FAM53B: variants seen among roughly 807,000 people sequenced by gnomAD.
FAM53B encodes the protein family with sequence similarity 53 member B.
Under a neutral mutation model 32.7 loss-of-function variants are expected in FAM53B, and 12 were observed. The ratio of observed to expected loss-of-function variants is 0.37; its 90% CI spans 0.24 to 0.59. The LOEUF (loss-of-function observed/expected upper bound fraction) is 0.59, where lower values mean the gene tolerates loss of function less well. FAM53B is among the 20% of genes least tolerant of loss of function. The probability of loss-of-function intolerance (pLI) is 0.72; values close to 1 mark genes in which losing one functional copy is unlikely to be tolerated. For missense variants in FAM53B, 477 were observed against 577.7 expected (o/e 0.83, Z 1.79); for synonymous variants, 234 against 228.7 (o/e 1.02, Z -0.21).
intron 1 of FAM53B, among the ~76,000 whole-genome samples, chr10:124,731,872 G>A (rs976980293): frequency 2.0e-5 from 3 of 152,152 alleles, no homozygotes; most frequent in South Asian, 2.1e-4. Context: ...AGAGGTGTGG[G>A]GGCCTTCACA....
intron 4 of FAM53B, among the ~76,000 whole-genome samples, chr10:124,669,854 TCACAGGGTGGGTGAGGAC>T (rs1949696479): frequency 6.7e-6 from 1 of 150,080 alleles, no homozygotes; most frequent in Admixed American, 6.6e-5. Context: ...GAGGAGCCCC[TCACAGGGTGGGTGAGGAC>T]CACAGGGTGG....
intron 1 of FAM53B, among the ~76,000 whole-genome samples, chr10:124,708,395 A>G (rs1307267012): frequency 2.0e-5 from 3 of 152,266 alleles, no homozygotes; most frequent in African/African-American, 7.2e-5. Flanking sequence ...GTGCAAAAGC[A>G]GGGAAGGGGA....
In FAM53B at chr10:124,622,106, G is replaced by C. The variant is rs1589727212; in HGVS notation, c.*1136C>G. The C allele has an allele frequency of 6.6e-6, 1 of 152,290 alleles. No individual in the cohort carries two copies. Among genetic ancestry groups the C allele is most frequent in the African/African-American group, 2.4e-5 (1 of 41,444 alleles). 9.4% of individuals were successfully genotyped at this position (152,290 alleles called of 1,614,324 possible). On this transcript the variant is annotated 3_prime_UTR_variant, in exon 5 of 5. Transcript: ENST00000337318. ...TGTGCCGGTGGCTGGGCCTACAACA[G>C]AGATGCAGCCCTCAGGACTGGGCTC...
At chr10:124,713,218 A>T (rs1245723746) in intron 1 of FAM53B, among the ~76,000 whole-genome samples, 1 of 152,238 alleles carries the variant, frequency 6.6e-6, no homozygotes, top group Admixed American at 6.5e-5. Context: ...TATGGTTGGT[A>T]GTATGCACAT....
intron 1 of FAM53B, among the ~76,000 whole-genome samples, chr10:124,711,087 G>A (rs1400033452): frequency 6.6e-6 from 1 of 152,086 alleles, no homozygotes; most frequent in East Asian, 1.9e-4. Context: ...TGAACAATTA[G>A]ACAAAATGTG....
At chr10:124,666,296 G>A (rs1386044635) in intron 4 of FAM53B, among the ~76,000 whole-genome samples, 2 of 152,220 alleles carry the variant, frequency 1.3e-5, no homozygotes, top group Non-Finnish European at 2.9e-5. Flanking sequence ...TGGAACCTTC[G>A]GCTTGGTCCA....
At chr10:124,671,006 G>A (rs4962681) in intron 4 of FAM53B, among the ~76,000 whole-genome samples, 20,487 of 152,210 alleles carry the variant, frequency 0.13, 1,586 homozygotes, top group African/African-American at 0.19. Flanking sequence ...GCTGCGATGC[G>A]CGCTAGAAGA....
intron 2 of FAM53B, among the ~76,000 whole-genome samples, chr10:124,698,480 C>T (rs948593805): frequency 7.2e-5 from 11 of 152,128 alleles, no homozygotes; most frequent in East Asian, 5.8e-4. Flanking sequence ...CCCAGGCCTT[C>T]GCAAGGAACA....
intron 4 of FAM53B, among the ~76,000 whole-genome samples, chr10:124,648,408 C>T (rs895787121): frequency 8.5e-5 from 13 of 152,364 alleles, no homozygotes; most frequent in Middle Eastern, 6.8e-3. Context: ...GGATGGGCTG[C>T]GGCCTGCTGT....
chr10:124,626,112 G>C (rs1257883064), intron 4 of FAM53B, among the ~76,000 whole-genome samples: 1 of 152,268 alleles, frequency 6.6e-6, no homozygotes, highest in Non-Finnish European at 1.5e-5. Flanking sequence ...GCCCGAACGC[G>C]TGCCAGCGTT....
chr10:124,703,468 G>C (rs1949929409), intron 2 of FAM53B, among the ~76,000 whole-genome samples: 1 of 152,298 alleles, frequency 6.6e-6, no homozygotes, highest in African/African-American at 2.4e-5. Flanking sequence ...CACTTCCCAA[G>C]ACCCTCAGTG....
chr10:124,623,539 G>C lies in FAM53B; in HGVS notation c.972C>G (p.Ser324Arg), dbSNP rs1389937783. Residue 324 changes from serine to arginine, a missense_variant, in exon 5 of 5, where the codon AGC (serine) becomes AGG (arginine). Around this residue, in one of 2 missense-constraint regions of FAM53B, gnomAD observed 165 missense variants for 157.5 expected, o/e 1.05. Transcript: ENST00000337318. ...TGTTGCTGACGTGGCGGGCGAAGGG[G>C]CTCTGGGGACCGCAGTCCTCTGTCC... The part of the protein sequence containing the change: ...SAGTEDCGPQ[S>R]PFARHVSNTR... The C allele has an allele frequency of 5.8e-6, 9 of 1,564,862 alleles. No individual in the cohort carries two copies. The highest frequency in any genetic ancestry group is 7.8e-6 in the Non-Finnish European group (9 of 1,156,694).
At chr10:124,739,739 C>A (rs1950190347) in intron 1 of FAM53B, among the ~76,000 whole-genome samples, 1 of 152,148 alleles carries the variant, frequency 6.6e-6, no homozygotes, top group Admixed American at 6.5e-5. Context: ...CGTGCAGCCC[C>A]CACAGCAGGA....
intron 4 of FAM53B, among the ~76,000 whole-genome samples, chr10:124,672,245 T>A (rs1949711275): frequency 6.6e-6 from 1 of 152,240 alleles, no homozygotes; most frequent in South Asian, 2.1e-4. Flanking sequence ...CAGCTCCGTC[T>A]CCATCCCACA....
intron 4 of FAM53B, among the ~76,000 whole-genome samples, chr10:124,642,551 G>A (rs1275303144): frequency 6.6e-6 from 1 of 152,182 alleles, no homozygotes; most frequent in Non-Finnish European, 1.5e-5. Flanking sequence ...CAGGTGTCCC[G>A]CTCTGCCACA....
At position 124,623,018 on chromosome 10, in the gene FAM53B, G is replaced by A. The variant is rs998519377; in HGVS notation, c.*224C>T. On this transcript the variant is annotated 3_prime_UTR_variant, in exon 5 of 5. Transcript: ENST00000337318. Reference sequence around the variant, plus strand: ...CAGTAGTTCTGTGGACCTGGTGGCTGCCACGCTCGGGGAGCCGGTGAGAGG... The same window carrying A: ...CAGTAGTTCTGTGGACCTGGTGGCTACCACGCTCGGGGAGCCGGTGAGAGG... 3 of 556,516 alleles carry A rather than the reference G, an allele frequency of 5.4e-6. No individual in the cohort carries two copies. Among genetic ancestry groups the A allele is most frequent in the Admixed American group, 3.5e-5 (1 of 28,276 alleles). The allele number at this position is 556,516 out of a possible 1,614,324, so 34.5% of individuals were successfully genotyped here.
intron 4 of FAM53B, among the ~76,000 whole-genome samples, chr10:124,681,060 A>C (rs1196784872): frequency 6.6e-6 from 1 of 152,242 alleles, no homozygotes; most frequent in Non-Finnish European, 1.5e-5. Flanking sequence ...AGTGAAGGGC[A>C]AGGATGATTG....
In FAM53B at chr10:124,737,837, C is replaced by T. The variant is rs191813556; in HGVS notation, c.-175+6176G>A. ...GCCCTGGAACCTAACTGCATCTTTC[C>T]TCCCCTGAGCCCCAGGGGCACACGG... On this transcript the variant is annotated intron_variant, in intron 1 of 4. Transcript: ENST00000337318. 2.2e-4 allele frequency among the ~76,000 whole-genome samples: 33 copies of T among 152,236 alleles called. No individual in the cohort carries two copies. The East Asian group carries it at 6.4e-3, about 29-fold the overall frequency.
At chr10:124,678,289 T>TG (rs971158445) in intron 4 of FAM53B, among the ~76,000 whole-genome samples, 19 of 152,170 alleles carry the variant, frequency 1.2e-4, no homozygotes, top group African/African-American at 4.6e-4. Context: ...GCCAATGCAC[T>TG]GGGGGGAGTG....
Sources: gnomAD v4.1 joint callset for allele counts (sites outside exome capture counted in the v4.1 genomes callset) on GRCh38, gnomAD v4.1.1 for gene constraint, gnomAD v4.1.1 regional missense constraint, MANE v1.5 for transcripts, NCBI Gene and HGNC (gene_info 2026-07-23, HGNC 2026-07-21) for gene names.